Variants in AMPD3 observed in about 807,000 individuals in gnomAD.
The protein encoded by AMPD3 is adenosine monophosphate deaminase 3, also known as AMP deaminase 3.
Under a neutral mutation model 82.3 loss-of-function variants are expected in AMPD3, and 57 were observed. The observed-to-expected ratio is 0.69, with a 90% CI of 0.56 to 0.86. The LOEUF (loss-of-function observed/expected upper bound fraction) is 0.86. Among genes scored for constraint, AMPD3 ranks in the 40% least tolerant of loss-of-function variants. AMPD3 has a pLI of 0.00. For synonymous variants in AMPD3, 381 were observed against 394.7 expected (o/e 0.97, Z 0.41); for missense variants, 870 against 1,003.8 (o/e 0.87, Z 1.80).
At chr11:10,466,727 C>G (rs997889429) in intron 2 of AMPD3, among the ~76,000 whole-genome samples, 1 of 152,214 alleles carries the variant, frequency 6.6e-6, no homozygotes, top group African/African-American at 2.4e-5. Context: ...GGGTCCCTAA[C>G]CCCCGTGTAT....
At chr11:10,497,340 C>A (rs1016420319) in intron 10 of AMPD3, among the ~76,000 whole-genome samples, 5 of 152,144 alleles carry the variant, frequency 3.3e-5, no homozygotes, top group Non-Finnish European at 5.9e-5. Context: ...CTTTACCTCG[C>A]AACAGAGGCC....
chr11:10,489,754 C>A (rs1248275891), intron 6 of AMPD3, among the ~76,000 whole-genome samples: 4 of 151,894 alleles, frequency 2.6e-5, no homozygotes, highest in Admixed American at 1.3e-4. Context: ...AATCTCAGCT[C>A]ACTGCAACCT....
At chr11:10,464,508 G>A (rs1848362418) in intron 2 of AMPD3, among the ~76,000 whole-genome samples, 1 of 152,112 alleles carries the variant, frequency 6.6e-6, no homozygotes, top group South Asian at 2.1e-4. Flanking sequence ...CTGGTCTGTA[G>A]ACCCTGGAAT....
chr11:10,477,822 TG>T (rs1848784674), intron 2 of AMPD3: 1 of 960,912 alleles, frequency 1.0e-6, no homozygotes, highest in Non-Finnish European at 1.2e-6. Context: ...TTCCCATCTC[TG>T]GGAAAGTGTC....
intron 14 of AMPD3, 152 bp from the exon 15 acceptor site, chr11:10,505,556 T>C: frequency 6.8e-7 from 1 of 1,466,930 alleles, no homozygotes. Flanking sequence ...AGCAGGAATT[T>C]TAAGAGTTCT....
chr11:10,450,863 G>A, upstream of AMPD3: 1 of 1,215,822 alleles, frequency 8.2e-7, no homozygotes, highest in East Asian at 3.5e-5. Context: ...GGGATCCGCA[G>A]CGCTGCGCCC....
chr11:10,504,739 G>A, intron 14 of AMPD3, 80 bp downstream of exon 14: 1 of 1,291,156 alleles, frequency 7.7e-7, no homozygotes, highest in South Asian at 1.2e-5. Context: ...AGGCACTGGG[G>A]ATCTGTGATG....
chr11:10,503,793 G>C (rs564170786), intron 13 of AMPD3: 1 of 208,474 alleles, frequency 4.8e-6, no homozygotes, highest in East Asian at 1.9e-4. Context: ...CATTCAATTT[G>C]TTTTTAATCA....
intron 6 of AMPD3, 102 bp from the exon 7 acceptor site, chr11:10,493,247 C>G: frequency 4.4e-6 from 6 of 1,377,924 alleles, no homozygotes; most frequent in Non-Finnish European, 4.1e-6. Flanking sequence ...CCGGATGGCC[C>G]ATGAGGTGCT....
intron 6 of AMPD3, among the ~76,000 whole-genome samples, chr11:10,488,644 G>T (rs1849151333): frequency 1.3e-5 from 2 of 152,180 alleles, no homozygotes; most frequent in Admixed American, 6.5e-5. Context: ...GCAGGGAGGT[G>T]GGCCGGGGTG....
At chr11:10,497,762 A>C in intron 10 of AMPD3, 1 of 985,246 alleles carries the variant, frequency 1.0e-6, no homozygotes, top group Non-Finnish European at 1.2e-6. Context: ...GCCTGCCTGG[A>C]GACAGGAGGG....
Position 10,501,494 on chromosome 11 carries a change from G to T in AMPD3, c.1746G>T (p.Leu582=), listed in dbSNP as rs747865236. Residue 582 remains leucine, a synonymous_variant, in exon 12 of 15, where the codon CTG becomes CTT. Coordinates refer to ENST00000396553, the MANE Select transcript of AMPD3 (RefSeq NM_001025389.2). The stretch of plus-strand genomic sequence containing the variant: ...GGGAGCGCGGCCTGAGCACGTTCCT[G>T]TTCCGGCCGCACTGTGGGGAAGCCG... ...LRRERGLSTF[L]FRPHCGEAGS... 3.1e-6 allele frequency: 5 copies of T among 1,613,992 alleles called. No homozygotes were observed. The East Asian group carries it at 1.1e-4, about 36-fold the overall frequency.
chr11:10,490,452 G>A, intron 6 of AMPD3: 1 of 982,540 alleles, frequency 1.0e-6, no homozygotes, highest in South Asian at 4.7e-5. Flanking sequence ...CCATGGGTAT[G>A]GAAATGGTCA....
chr11:10,504,765 G>A lies in AMPD3; in HGVS notation c.2127+106G>A, dbSNP rs1049145120. On this transcript the variant is annotated intron_variant, in intron 14 of 14. Transcript: ENST00000396553. ...ATCTGTGATGAACATAGCAGGCAGGGCCTCTGAGACACTCAGGCACAGGGA... is the reference window on the plus strand; with the variant it reads ...ATCTGTGATGAACATAGCAGGCAGGACCTCTGAGACACTCAGGCACAGGGA... The A allele has an allele frequency of 5.9e-5, 63 of 1,071,364 alleles. No individual in the cohort carries two copies. In the Middle Eastern group the frequency reaches 1.5e-3, roughly 25 times the overall value. 66.4% of individuals were successfully genotyped at this position (1,071,364 alleles called of 1,614,324 possible).
chr11:10,462,957 C>T (rs1330479907), intron 2 of AMPD3, among the ~76,000 whole-genome samples: 1 of 152,154 alleles, frequency 6.6e-6, no homozygotes, highest in Non-Finnish European at 1.5e-5. Context: ...GGCTGGAGGA[C>T]TTGTGGGGCC....
chr11:10,489,674 ACT>A (rs2133909953), intron 6 of AMPD3, among the ~76,000 whole-genome samples: 1 of 146,560 alleles, frequency 6.8e-6, no homozygotes, highest in African/African-American at 2.5e-5. Flanking sequence ...ACTTGATAGC[ACT>A]CTGTCTCTCT....
At chr11:10,461,828 A>G in intron 2 of AMPD3, 88 bp downstream of exon 2, 1 of 1,271,004 alleles carries the variant, frequency 7.9e-7, no homozygotes, top group Admixed American at 2.0e-5. Flanking sequence ...GAGGCACCTC[A>G]TGGGGACTGG....
At chr11:10,467,776 G>A (rs1191096795) in intron 2 of AMPD3, among the ~76,000 whole-genome samples, 1 of 152,194 alleles carries the variant, frequency 6.6e-6, no homozygotes, top group East Asian at 1.9e-4. Flanking sequence ...AGAAAGGTCA[G>A]GCTACCCACA....
intron 13 of AMPD3, chr11:10,504,002 C>A (rs1439933306): frequency 6.1e-6 from 6 of 985,230 alleles, no homozygotes; most frequent in Non-Finnish European, 7.2e-6. Context: ...AGAAGGGAAG[C>A]AAAACCACAG....
Sources: allele counts gnomAD v4.1 joint callset (sites outside exome capture counted in the v4.1 genomes callset), GRCh38; gene constraint gnomAD v4.1.1; transcripts MANE v1.5; gene names NCBI Gene and HGNC (gene_info 2026-07-23, HGNC 2026-07-21).